The following CEBPB variants were observed in gnomAD, a reference collection of about 807,000 sequenced individuals.
CEBPB encodes the protein CCAAT/enhancer-binding protein beta.
For missense variants in CEBPB, 498 were observed against 533.1 expected (o/e 0.93, Z 0.65); for synonymous variants, 295 against 267.1 (o/e 1.10, Z -1.02).
rs1406499774 is a variant in CEBPB at position 50,191,264 on chromosome 20, G to A, written c.231G>A (p.Pro77=). 3.9e-6 allele frequency: 5 copies of A among 1,285,494 alleles called. No homozygotes were observed. Among genetic ancestry groups the A allele is most frequent in the Non-Finnish European group, 4.9e-6 (5 of 1,015,540 alleles). 79.6% of individuals were successfully genotyped at this position (1,285,494 alleles called of 1,614,324 possible). A position where few individuals can be genotyped will look rare whatever the true frequency, so the allele number is the denominator to read the frequency against. Residue 77 remains proline (P), a synonymous_variant, in exon 1 of 1, where the codon CCG becomes CCA. Coordinates refer to ENST00000303004, the MANE Select transcript of CEBPB (RefSeq NM_005194.4). Reference sequence around the variant, plus strand: ...ACGAGCGCGCCATCGACTTCAGCCCGTACCTGGAGCCGCTGGGCGCGCCGC... The same window carrying A: ...ACGAGCGCGCCATCGACTTCAGCCCATACCTGGAGCCGCTGGGCGCGCCGC... ...GDHERAIDFS[P]YLEPLGAPQA... is the part of the protein sequence containing the mutation.
rs1236964663 is a variant in CEBPB at position 50,191,717 on chromosome 20, C to T, written c.684C>T (p.Ser228=). 2.0e-6 allele frequency: 3 copies of T among 1,508,554 alleles called. No homozygotes were observed. The highest frequency in any genetic ancestry group is 2.6e-6 in the Non-Finnish European group (3 of 1,135,200). The allele number at this position is 1,508,554 out of a possible 1,614,324, so 93.4% of individuals were successfully genotyped here. A position where few individuals can be genotyped will look rare whatever the true frequency, so the allele number is the denominator to read the frequency against. ...GCAGCGGGAGCCTCTCCACGTCCTC[C>T]TCGTCCAGCCCGCCCGGCACGCCGA... ...SGSSGSLSTS[S]SSSPPGTPSP... is the part of the protein sequence containing the mutation. Residue 228 remains serine (S), a synonymous_variant, in exon 1 of 1, where the codon TCC becomes TCT. Transcript: ENST00000303004.
In CEBPB at chr20:50,191,434, C is replaced by G. The variant is rs1302415362; in HGVS notation, c.401C>G (p.Pro134Arg). 1 of 1,520,900 alleles carries G rather than the reference C, an allele frequency of 6.6e-7. No homozygotes were observed. Among genetic ancestry groups the G allele is most frequent in the South Asian group, 1.2e-5 (1 of 83,520 alleles). 94.2% of individuals were successfully genotyped at this position (1,520,900 alleles called of 1,614,324 possible). ...TACGGGGGCAAGAACTGCAAGAAGC[C>G]GGCCGAGTACGGCTACGTGAGCCTG... is the stretch of plus-strand genomic sequence containing the variant. ...DDYGGKNCKK[P>R]AEYGYVSLGR... The change falls in exon 1 of 1, where the codon CCG becomes CGG. Residue 134 changes from proline (P) to arginine (R), a missense_variant. Physicochemically the swap from Pro to Arg is moderately radical, Grantham distance 103 (BLOSUM62 -2). Transcript: ENST00000303004.
At position 50,191,285 on chromosome 20, in the gene CEBPB, G is replaced by A. The variant is rs1450703300; in HGVS notation, c.252G>A (p.Ala84=). ...GCCCGTACCTGGAGCCGCTGGGCGC[G>A]CCGCAGGCCCCGGCGCCCGCCACGG... ...DFSPYLEPLG[A]PQAPAPATAT... The change falls in exon 1 of 1, where the codon GCG becomes GCA. Residue 84 remains alanine, a synonymous_variant. Coordinates refer to ENST00000303004, the MANE Select transcript of CEBPB (RefSeq NM_005194.4). 1 of 1,278,824 alleles carries A rather than the reference G, an allele frequency of 7.8e-7. No homozygotes were observed. The allele number at this position is 1,278,824 out of a possible 1,614,324, so 79.2% of individuals were successfully genotyped here.
Position 50,191,426 on chromosome 20 carries a change from C to A in CEBPB, c.393C>A (p.Cys131Ter). 1 of 1,525,030 alleles carries A rather than the reference C, an allele frequency of 6.6e-7. No individual in the cohort carries two copies. The highest frequency in any genetic ancestry group is 8.8e-7 in the Non-Finnish European group (1 of 1,134,234). The allele number at this position is 1,525,030 out of a possible 1,614,324, so 94.5% of individuals were successfully genotyped here. A position where few individuals can be genotyped will look rare whatever the true frequency, so the allele number is the denominator to read the frequency against. The change falls in exon 1 of 1, where the codon TGC becomes TGA. Residue 131 changes from cysteine (C) to a stop codon, truncating the protein, a stop_gained. Coordinates refer to ENST00000303004, the MANE Select transcript of CEBPB (RefSeq NM_005194.4). LOFTEE classifies it low-confidence loss of function (END_TRUNC). ...LFSDDYGGKN[C>*]KKPAEYGYVS... ...CCGACGACTACGGGGGCAAGAACTGCAAGAAGCCGGCCGAGTACGGCTACG... is the reference window on the plus strand; with the variant it reads ...CCGACGACTACGGGGGCAAGAACTGAAAGAAGCCGGCCGAGTACGGCTACG...
At position 50,192,425 on chromosome 20, in the gene CEBPB, G is replaced by C. The variant is rs2081585640; in HGVS notation, c.*354G>C. 5.9e-6 allele frequency: 1 copy of C among 168,206 alleles called. No homozygotes were observed. 10.4% of individuals were successfully genotyped at this position (168,206 alleles called of 1,614,324 possible). On this transcript the variant is annotated 3_prime_UTR_variant, in exon 1 of 1. Transcript: ENST00000303004. Reference sequence around the variant, plus strand: ...GCAATCGGTTTAAACATGGCTGAACGCGTGTGTACACGGGACTGACGCAAC... The same window carrying C: ...GCAATCGGTTTAAACATGGCTGAACCCGTGTGTACACGGGACTGACGCAAC...
At position 50,191,546 on chromosome 20, in the gene CEBPB, C is replaced by A; in HGVS notation, c.513C>A (p.Ala171=). The part of the protein sequence containing the change: ...HPPPPPPPPP[A]ELKAEPGFEP... Reference sequence around the variant, plus strand: ...CGCCCCCGCCGCCGCCGCCGCCCGCCGAGCTCAAGGCGGAGCCGGGCTTCG... The same window carrying A: ...CGCCCCCGCCGCCGCCGCCGCCCGCAGAGCTCAAGGCGGAGCCGGGCTTCG... The change falls in exon 1 of 1, where the codon GCC becomes GCA. Residue 171 remains alanine, a synonymous_variant. Coordinates refer to ENST00000303004, the MANE Select transcript of CEBPB (RefSeq NM_005194.4). The A allele has an allele frequency of 7.6e-7, 1 of 1,323,022 alleles. No homozygotes were observed. The allele number at this position is 1,323,022 out of a possible 1,614,324, so 82.0% of individuals were successfully genotyped here.
Position 50,191,576 on chromosome 20 carries a change from C to A in CEBPB, c.543C>A (p.Pro181=), listed in dbSNP as rs765449899. The change falls in exon 1 of 1, where the codon CCC becomes CCA. Residue 181 remains proline (P), a synonymous_variant. Transcript: ENST00000303004. ...TCAAGGCGGAGCCGGGCTTCGAGCC[C>A]GCGGACTGCAAGCGGAAGGAGGAGG... The part of the protein sequence containing the change: ...AELKAEPGFE[P]ADCKRKEEAG... The A allele has an allele frequency of 7.2e-4, 963 of 1,344,808 alleles. 1 individual carries two copies. Among genetic ancestry groups the A allele is most frequent in the Non-Finnish European group, 8.6e-4 (911 of 1,056,112 alleles). The allele number at this position is 1,344,808 out of a possible 1,614,324, so 83.3% of individuals were successfully genotyped here. A position where few individuals can be genotyped will look rare whatever the true frequency, so the allele number is the denominator to read the frequency against.
rs1270881148 is a variant in CEBPB, at chr20:50,191,165, G to T, written c.132G>T (p.Ala44=). 4.1e-6 allele frequency: 6 copies of T among 1,470,106 alleles called. No homozygotes were observed. The highest frequency in any genetic ancestry group is 5.4e-6 in the Non-Finnish European group (6 of 1,111,560). 91.1% of individuals were successfully genotyped at this position (1,470,106 alleles called of 1,614,324 possible). A position where few individuals can be genotyped will look rare whatever the true frequency, so the allele number is the denominator to read the frequency against. The change falls in exon 1 of 1, where the codon GCG becomes GCT. Residue 44 remains alanine, a synonymous_variant. Transcript: ENST00000303004. ...TGGCTGCTGCGTACGGCGGCAAGGC[G>T]GCCCCCGCGGCGCCCCCCGCGGCCA... ...DCLAAAYGGK[A]APAAPPAARP... is the part of the protein sequence containing the mutation.
In CEBPB at chr20:50,191,307, A is replaced by G; in HGVS notation, c.274A>G (p.Thr92Ala). 7.4e-7 allele frequency: 1 copy of G among 1,349,048 alleles called. No individual in the cohort carries two copies. The highest frequency in any genetic ancestry group is 1.7e-5 in the South Asian group (1 of 58,908). 83.6% of individuals were successfully genotyped at this position (1,349,048 alleles called of 1,614,324 possible). ...LGAPQAPAPA[T>A]ATDTFEAAPP... ...CGCGCCGCAGGCCCCGGCGCCCGCC[A>G]CGGCCACGGACACCTTCGAGGCGGC... is the stretch of plus-strand genomic sequence containing the variant. The change falls in exon 1 of 1, where the codon ACG (threonine) becomes GCG (alanine). Residue 92 changes from threonine (T) to alanine (A), a missense_variant. Transcript: ENST00000303004.
At position 50,190,940 on chromosome 20, in the gene CEBPB, A is replaced by G; in HGVS notation, c.-94A>G. 7.5e-7 allele frequency: 1 copy of G among 1,326,840 alleles called. No homozygotes were observed. Among genetic ancestry groups the G allele is most frequent in the South Asian group, 1.9e-5 (1 of 51,610 alleles). 82.2% of individuals were successfully genotyped at this position (1,326,840 alleles called of 1,614,324 possible). On this transcript the variant is annotated 5_prime_UTR_variant, in exon 1 of 1. Transcript: ENST00000303004. ...GGCAGCGGCGGCAGCAGCAGCAGCG[A>G]CGCAGCGGCGACAGCTCAGAGCAGG...
In CEBPB at chr20:50,191,196, G is replaced by A; in HGVS notation, c.163G>A (p.Gly55Arg). 2 of 1,325,050 alleles carry A rather than the reference G, an allele frequency of 1.5e-6. No individual in the cohort carries two copies. Among genetic ancestry groups the A allele is most frequent in the East Asian group, 3.3e-5 (1 of 30,262 alleles). The allele number at this position is 1,325,050 out of a possible 1,614,324, so 82.1% of individuals were successfully genotyped here. ...APAAPPAARP[G>R]PRPPAGELGS... ...CGCGGCGCCCCCCGCGGCCAGACCC[G>A]GGCCGCGCCCCCCCGCCGGCGAGCT... is the stretch of plus-strand genomic sequence containing the variant. Residue 55 changes from glycine to arginine, a missense_variant, in exon 1 of 1, where the codon GGG (glycine) becomes AGG (arginine). Physicochemically the swap from Gly to Arg is moderately radical, Grantham distance 125. Transcript: ENST00000303004.
Position 50,191,823 on chromosome 20 carries a change from A to G in CEBPB, c.790A>G (p.Lys264Glu), listed in dbSNP as rs770219852. The change falls in exon 1 of 1, where the codon AAG (lysine) becomes GAG (glutamate). Residue 264 changes from lysine (K) to glutamate (E), a missense_variant. Physicochemically the swap from Lys to Glu is moderately conservative, Grantham distance 56. Coordinates refer to ENST00000303004, the MANE Select transcript of CEBPB (RefSeq NM_005194.4). ...GCCCTCGCAGGTCAAGAGCAAGGCC[A>G]AGAAGACCGTGGACAAGCACAGCGA... ...PAPSQVKSKA[K>E]KTVDKHSDEY... 1.3e-6 allele frequency: 2 copies of G among 1,591,226 alleles called. No individual in the cohort carries two copies. The highest frequency in any genetic ancestry group is 1.7e-6 in the Non-Finnish European group (2 of 1,169,560).
chr20:50,191,291 G>C lies in CEBPB; in HGVS notation c.258G>C (p.Gln86His), dbSNP rs1379952079. 34 of 1,300,502 alleles carry C rather than the reference G, an allele frequency of 2.6e-5. No individual in the cohort carries two copies. In the East Asian group the frequency reaches 4.5e-4, roughly 17 times the overall value. The allele number at this position is 1,300,502 out of a possible 1,614,324, so 80.6% of individuals were successfully genotyped here. Residue 86 changes from glutamine (Q) to histidine (H), a missense_variant, in exon 1 of 1, where the codon CAG (glutamine) becomes CAC (histidine). Transcript: ENST00000303004. ...SPYLEPLGAP[Q>H]APAPATATDT... ...ACCTGGAGCCGCTGGGCGCGCCGCA[G>C]GCCCCGGCGCCCGCCACGGCCACGG...
chr20:50,192,403 A>G lies in CEBPB; in HGVS notation c.*332A>G, dbSNP rs915927724. 8 of 169,316 alleles carry G rather than the reference A, an allele frequency of 4.7e-5. No homozygotes were observed. The highest frequency in any genetic ancestry group is 1.3e-4 in the Admixed American group (2 of 15,310). 10.5% of individuals were successfully genotyped at this position (169,316 alleles called of 1,614,324 possible). A position where few individuals can be genotyped will look rare whatever the true frequency, so the allele number is the denominator to read the frequency against. On this transcript the variant is annotated 3_prime_UTR_variant, in exon 1 of 1. Coordinates refer to ENST00000303004, the MANE Select transcript of CEBPB (RefSeq NM_005194.4). ...GCGGGCCGGTTTCGAAGTTGATGCA[A>G]TCGGTTTAAACATGGCTGAACGCGT... is the stretch of plus-strand genomic sequence containing the variant.
In CEBPB at chr20:50,192,143, C is replaced by G. The variant is rs529249404; in HGVS notation, c.*72C>G. ...GGGAGCGCCCGCGCCCGCGCCCTCGCCCCCGCCCCCGGCGGCGCCGGCAAA... is the reference window on the plus strand; with the variant it reads ...GGGAGCGCCCGCGCCCGCGCCCTCGGCCCCGCCCCCGGCGGCGCCGGCAAA... On this transcript the variant is annotated 3_prime_UTR_variant, in exon 1 of 1. Coordinates refer to ENST00000303004, the MANE Select transcript of CEBPB (RefSeq NM_005194.4). 8.2e-7 allele frequency: 1 copy of G among 1,216,226 alleles called. No individual in the cohort carries two copies. The highest frequency in any genetic ancestry group is 3.5e-5 in the East Asian group (1 of 28,302). The allele number at this position is 1,216,226 out of a possible 1,614,324, so 75.3% of individuals were successfully genotyped here. A position where few individuals can be genotyped will look rare whatever the true frequency, so the allele number is the denominator to read the frequency against.
At position 50,191,182 on chromosome 20, in the gene CEBPB, C is replaced by G. The variant is rs1384108590; in HGVS notation, c.149C>G (p.Pro50Arg). The G allele has an allele frequency of 6.9e-7, 1 of 1,442,824 alleles. No homozygotes were observed. Among genetic ancestry groups the G allele is most frequent in the Admixed American group, 2.5e-5 (1 of 40,412 alleles). 89.4% of individuals were successfully genotyped at this position (1,442,824 alleles called of 1,614,324 possible). Residue 50 changes from proline (P) to arginine (R), a missense_variant, in exon 1 of 1, where the codon CCC becomes CGC. Physicochemically the swap from Pro to Arg is moderately radical, Grantham distance 103. Coordinates refer to ENST00000303004, the MANE Select transcript of CEBPB (RefSeq NM_005194.4). ...YGGKAAPAAP[P>R]AARPGPRPPA... ...GGCAAGGCGGCCCCCGCGGCGCCCC[C>G]CGCGGCCAGACCCGGGCCGCGCCCC...
In CEBPB at chr20:50,191,296, C is replaced by A; in HGVS notation, c.263C>A (p.Pro88Gln). 4 of 1,320,294 alleles carry A rather than the reference C, an allele frequency of 3.0e-6. No individual in the cohort carries two copies. The highest frequency in any genetic ancestry group is 3.9e-6 in the Non-Finnish European group (4 of 1,030,914). The allele number at this position is 1,320,294 out of a possible 1,614,324, so 81.8% of individuals were successfully genotyped here. ...GAGCCGCTGGGCGCGCCGCAGGCCC[C>A]GGCGCCCGCCACGGCCACGGACACC... ...YLEPLGAPQA[P>Q]APATATDTFE... The change falls in exon 1 of 1, where the codon CCG (proline) becomes CAG (glutamine). Residue 88 changes from proline (P) to glutamine (Q), a missense_variant. Coordinates refer to ENST00000303004, the MANE Select transcript of CEBPB (RefSeq NM_005194.4).
rs4253440 is a variant in CEBPB at position 50,191,616 on chromosome 20, G to A, written c.583G>A (p.Gly195Ser). 334 of 1,346,488 alleles carry A rather than the reference G, an allele frequency of 2.5e-4. No individual in the cohort carries two copies. The African/African-American group carries it at 4.3e-3, about 17-fold the overall frequency. 83.4% of individuals were successfully genotyped at this position (1,346,488 alleles called of 1,614,324 possible). Residue 195 changes from glycine (G) to serine (S), a missense_variant, in exon 1 of 1, where the codon GGC (glycine) becomes AGC (serine). Gly to Ser is a moderately conservative substitution (Grantham distance 56). Transcript: ENST00000303004. ...GAAGGAGGAGGCCGGGGCGCCGGGC[G>A]GCGGCGCAGGCATGGCGGCGGGCTT... is the stretch of plus-strand genomic sequence containing the variant. ...KRKEEAGAPG[G>S]GAGMAAGFPY...
At position 50,190,906 on chromosome 20, in the gene CEBPB, G is replaced by T. The variant is rs1307520102; in HGVS notation, c.-128G>T. On this transcript the variant is annotated 5_prime_UTR_variant, in exon 1 of 1. Coordinates refer to ENST00000303004, the MANE Select transcript of CEBPB (RefSeq NM_005194.4). The stretch of plus-strand genomic sequence containing the variant: ...AGCCACCAGCCCCCTCACTAATAGC[G>T]GCCACCCCGGCAGCGGCGGCAGCAG... 4.1e-6 allele frequency: 5 copies of T among 1,216,276 alleles called. No homozygotes were observed. In the East Asian group the frequency reaches 1.6e-4, roughly 39 times the overall value. 75.3% of individuals were successfully genotyped at this position (1,216,276 alleles called of 1,614,324 possible). A position where few individuals can be genotyped will look rare whatever the true frequency, so the allele number is the denominator to read the frequency against.
Sources: gnomAD v4.1 joint callset for allele counts on GRCh38, gnomAD v4.1.1 for gene constraint, MANE v1.5 for transcripts, NCBI Gene and HGNC (gene_info 2026-07-23, HGNC 2026-07-21) for gene names.